The following SPOCD1 variants were observed in gnomAD, a reference collection of about 807,000 sequenced individuals.
SPOCD1 encodes the protein SPOC domain containing 1, also known as SPOC domain-containing protein 1.
A neutral mutation model predicts 92.2 loss-of-function variants in SPOCD1; 64 were observed. The ratio of observed to expected loss-of-function variants is 0.69; its 90% CI spans 0.57 to 0.86. The LOEUF (loss-of-function observed/expected upper bound fraction) is 0.86, where lower values mean the gene tolerates loss of function less well. Among genes scored for constraint, SPOCD1 ranks in the 40% least tolerant of loss-of-function variants. SPOCD1 has a pLI of 0.00. For missense variants in SPOCD1, 1,360 were observed against 1,543.1 expected (o/e 0.88, Z 1.99); for synonymous variants, 578 against 619.3 (o/e 0.93, Z 0.99).
intron 2 of SPOCD1, among the ~76,000 whole-genome samples, chr1:31,805,984 A>G (rs978315856): frequency 1.3e-5 from 2 of 152,172 alleles, no homozygotes; most frequent in African/African-American, 4.8e-5. Context: ...ATAATCAGAT[A>G]AAACAGATTT....
At chr1:31,797,383 C>T (rs1160892257) in intron 9 of SPOCD1, among the ~76,000 whole-genome samples, 1 of 152,242 alleles carries the variant, frequency 6.6e-6, no homozygotes, top group Non-Finnish European at 1.5e-5. Flanking sequence ...GAGGCCCACG[C>T]TTGGTTTAGC....
chr1:31,802,099 C>T (rs1207939791), intron 2 of SPOCD1, among the ~76,000 whole-genome samples: 4 of 152,022 alleles, frequency 2.6e-5, no homozygotes, highest in Non-Finnish European at 4.4e-5. Context: ...ACCCAGGAGG[C>T]GGAGGTTGCA....
chr1:31,790,462 A>T lies in SPOCD1; in HGVS notation c.*141T>A. ...ATTCTTTATTGAACAAAAAATCAAC[A>T]GCAAACATTGTCAAACAGGAAGTTC... is the stretch of plus-strand genomic sequence containing the variant. On this transcript the variant is annotated 3_prime_UTR_variant, in exon 16 of 16. Transcript: ENST00000360482. The T allele has an allele frequency of 1.3e-6, 1 of 783,452 alleles. No homozygotes were observed. The highest frequency in any genetic ancestry group is 2.0e-6 in the Non-Finnish European group (1 of 493,716). The allele number at this position is 783,452 out of a possible 1,614,324, so 48.5% of individuals were successfully genotyped here. A position where few individuals can be genotyped will look rare whatever the true frequency, so the allele number is the denominator to read the frequency against.
chr1:31,812,870 C>T (rs1342903318), intron 2 of SPOCD1, among the ~76,000 whole-genome samples: 5 of 152,188 alleles, frequency 3.3e-5, no homozygotes, highest in African/African-American at 9.7e-5. Flanking sequence ...CCTCCGTGGA[C>T]GTCGTGTGAA....
Position 31,814,108 on chromosome 1 carries a change from C to T in SPOCD1, c.1226G>A (p.Cys409Tyr). The change falls in exon 2 of 16, where the codon TGC (cysteine) becomes TAC (tyrosine). Residue 409 changes from cysteine (C) to tyrosine (Y), a missense_variant. Transcript: ENST00000360482. The surrounding 1 kb of genome is among the most constrained non-coding windows in gnomAD (Gnocchi z 4.2). Reference sequence around the variant, plus strand: ...TCTCTGCTCCATGAATGGGCCTGAGCAGGCCCTGCTGGCTTCAGTATCCAG... The same window carrying T: ...TCTCTGCTCCATGAATGGGCCTGAGTAGGCCCTGCTGGCTTCAGTATCCAG... ...SSLDTEASRA[C>Y]SGPFMEQRRS... The T allele has an allele frequency of 6.2e-7, 1 of 1,611,534 alleles. No homozygotes were observed. The highest frequency in any genetic ancestry group is 1.1e-5 in the South Asian group (1 of 90,668).
chr1:31,797,432 G>T (rs936693372), intron 9 of SPOCD1, among the ~76,000 whole-genome samples: 1 of 152,190 alleles, frequency 6.6e-6, no homozygotes, highest in East Asian at 1.9e-4. Context: ...AGCAGTTGTT[G>T]AACAAAGGGC....
chr1:31,802,942 G>GT (rs940691326), intron 2 of SPOCD1, among the ~76,000 whole-genome samples: 9 of 150,156 alleles, frequency 6.0e-5, no homozygotes, highest in African/African-American at 2.2e-4. Context: ...CACTTTTTTT[G>GT]TTTTTTTGAA....
Position 31,793,337 on chromosome 1 carries a change from T to A in SPOCD1, c.2626A>T (p.Ile876Phe), listed in dbSNP as rs754489294. 1.1e-5 allele frequency: 17 copies of A among 1,591,628 alleles called. No individual in the cohort carries two copies. The highest frequency in any genetic ancestry group is 1.5e-5 in the Non-Finnish European group (17 of 1,169,122). ...PWEGVLDMFS[I>F]KRFRARAQLV... Reference sequence around the variant, plus strand: ...TGGGCCCTGGCCCGGAACCGCTTGATGGAGAACATGTCCAGAACACCTTCC... The same window carrying A: ...TGGGCCCTGGCCCGGAACCGCTTGAAGGAGAACATGTCCAGAACACCTTCC... Residue 876 changes from isoleucine to phenylalanine, a missense_variant, in exon 13 of 16, where the codon ATC becomes TTC. Physicochemically the swap from Ile to Phe is conservative, Grantham distance 21. Coordinates refer to ENST00000360482, the MANE Select transcript of SPOCD1 (RefSeq NM_144569.7).
intron 2 of SPOCD1, 33 bp from the exon 3 acceptor site, chr1:31,801,738 C>G: frequency 6.3e-7 from 1 of 1,577,092 alleles, no homozygotes; most frequent in Non-Finnish European, 8.7e-7. Flanking sequence ...AGATTAGAAT[C>G]CAGAGGACCC....
intron 10 of SPOCD1, 194 bp downstream of exon 10, chr1:31,796,396 G>A: frequency 1.2e-6 from 1 of 829,760 alleles, no homozygotes; most frequent in Non-Finnish European, 1.9e-6. Context: ...CAAGGCGCTG[G>A]CAGGCCTGTG....
rs778412913 is a variant in SPOCD1 at position 31,814,487 on chromosome 1, C to T, written c.847G>A (p.Glu283Lys). 111 of 1,568,114 alleles carry T rather than the reference C, an allele frequency of 7.1e-5. No homozygotes were observed. The highest frequency in any genetic ancestry group is 9.4e-5 in the Non-Finnish European group (109 of 1,154,252). The change falls in exon 2 of 16, where the codon GAG (glutamate) becomes AAG (lysine). Residue 283 changes from glutamate (E) to lysine (K), a missense_variant. Around this residue, in one of 3 missense-constraint regions of SPOCD1, gnomAD observed 606 missense variants for 601.5 expected, o/e 1.01. Transcript: ENST00000360482. This position sits in a 1 kb window ranked among gnomAD's most constrained non-coding sequence, Gnocchi z 4.2. ...GSGAGCASGT[E>K]KFGYLPATGD... is the part of the protein sequence containing the mutation. ...GTAGCGGGCAAATATCCAAATTTCT[C>T]AGTCCCTGAGGCACATCCTGCCCCA...
Position 31,815,025 on chromosome 1 carries a change from C to G in SPOCD1, c.309G>C (p.Gln103His). The G allele has an allele frequency of 6.2e-7, 1 of 1,613,866 alleles. No individual in the cohort carries two copies. Among genetic ancestry groups the G allele is most frequent in the East Asian group, 2.2e-5 (1 of 44,874 alleles). Reference sequence around the variant, plus strand: ...TCCCCTGAGTAGGCACCGAGGGCAGCTGCATGTGGAGCCCAGGAGCCAGCA... The same window carrying G: ...TCCCCTGAGTAGGCACCGAGGGCAGGTGCATGTGGAGCCCAGGAGCCAGCA... Reference protein sequence around the residue: ...GSMLAPGLHMQLPSVPTQGRA... With the variant: ...GSMLAPGLHMHLPSVPTQGRA... The change falls in exon 2 of 16, where the codon CAG becomes CAC. Residue 103 changes from glutamine to histidine, a missense_variant. By Grantham distance (24) the Gln-to-His change is conservative. Coordinates refer to ENST00000360482, the MANE Select transcript of SPOCD1 (RefSeq NM_144569.7).
At chr1:31,802,190 A>G (rs747263542) in intron 2 of SPOCD1, among the ~76,000 whole-genome samples, 1 of 152,188 alleles carries the variant, frequency 6.6e-6, no homozygotes, top group Non-Finnish European at 1.5e-5. Context: ...CATCAAAGGG[A>G]AATGGTTAAT....
At chr1:31,805,193 C>A (rs1277694974) in intron 2 of SPOCD1, among the ~76,000 whole-genome samples, 1 of 151,694 alleles carries the variant, frequency 6.6e-6, no homozygotes, top group African/African-American at 2.4e-5. Context: ...ACCGTGTTAG[C>A]CAGGATGGTC....
At chr1:31,803,032 G>GGAAAGAAGAGCAACA (rs1648568882) in intron 2 of SPOCD1, among the ~76,000 whole-genome samples, 1 of 149,360 alleles carries the variant, frequency 6.7e-6, no homozygotes, top group African/African-American at 2.5e-5. Context: ...ACAGGGGTGT[G>GGAAAGAAGAGCAACA]GGAAGAATAT....
chr1:31,791,245 C>T lies in SPOCD1; in HGVS notation c.3009G>A (p.Glu1003=), dbSNP rs761318842. ...CCAGCAACAGACTTGAGTGAGTGAC[C>T]TCCAGACCTGGGGAAAGGAGAGGGG... ...PVSPLLSPGL[E]VTHSSLLLAV... is the part of the protein sequence containing the mutation. The change falls in exon 16 of 16, where the codon GAG becomes GAA. Residue 1003 remains glutamate (E), a synonymous_variant. Transcript: ENST00000360482. 21 of 1,578,012 alleles carry T rather than the reference C, an allele frequency of 1.3e-5. No individual in the cohort carries two copies. The highest frequency in any genetic ancestry group is 1.7e-5 in the Non-Finnish European group (20 of 1,160,444).
chr1:31,801,212 C>T (rs1207502186), intron 3 of SPOCD1, among the ~76,000 whole-genome samples: 3 of 152,186 alleles, frequency 2.0e-5, no homozygotes, highest in South Asian at 2.1e-4. Context: ...GAATCTGTCC[C>T]GCTCGGCTTT....
chr1:31,790,813 T>G lies in SPOCD1; in HGVS notation c.3441A>C (p.Gln1147His). The G allele has an allele frequency of 6.5e-7, 1 of 1,543,314 alleles. No homozygotes were observed. The highest frequency in any genetic ancestry group is 8.7e-7 in the Non-Finnish European group (1 of 1,143,088). Reference protein sequence around the residue: ...QHFHRDSCPHQALLRHLESLA... With the variant: ...QHFHRDSCPHHALLRHLESLA... The stretch of plus-strand genomic sequence containing the variant: ...GGGATTCGAGGTGCCGGAGCAGGGC[T>G]TGGTGGGGACAGGAGTCCCTGTGGA... Residue 1147 changes from glutamine (Q) to histidine (H), a missense_variant, in exon 16 of 16, where the codon CAA becomes CAC. Gln to His is a conservative substitution (Grantham distance 24, BLOSUM62 0). Transcript: ENST00000360482.
At chr1:31,794,257 G>A in intron 10 of SPOCD1, 22 bp from the exon 11 acceptor site, 1 of 1,590,314 alleles carries the variant, frequency 6.3e-7, no homozygotes, top group Non-Finnish European at 8.6e-7. Flanking sequence ...AAGACAGAGG[G>A]GCAGGCTGAA....
Sources: gnomAD v4.1 joint callset for allele counts (sites outside exome capture counted in the v4.1 genomes callset) on GRCh38, gnomAD v4.1.1 for gene constraint, gnomAD v4.1.1 regional missense constraint, Gnocchi (gnomAD v3.1) non-coding constraint, MANE v1.5 for transcripts, NCBI Gene and HGNC (gene_info 2026-07-23, HGNC 2026-07-21) for gene names.